ZNF407: variants seen among roughly 807,000 people sequenced by gnomAD.
ZNF407 encodes the protein zinc finger protein 407.
A neutral mutation model predicts 131.2 loss-of-function variants in ZNF407; 17 were observed. The ratio of observed to expected loss-of-function variants is 0.13; its 90% CI spans 0.09 to 0.19. The LOEUF (loss-of-function observed/expected upper bound fraction) is 0.19. Among genes scored for constraint, ZNF407 ranks in the 10% least tolerant of loss-of-function variants. The probability of loss-of-function intolerance (pLI) is 1.00; values close to 1 mark genes in which losing one functional copy is unlikely to be tolerated. For missense variants in ZNF407, 2,681 were observed against 2,830.6 expected (o/e 0.95, Z 1.20); for synonymous variants, 1,156 against 1,062.0 (o/e 1.09, Z -1.72).
In ZNF407 at chr18:74,634,301, CATT is replaced by C. The variant is rs765377436; in HGVS notation, c.3285_3287del (p.Ile1095del). 1 of 1,613,986 alleles carries C rather than the reference CATT, an allele frequency of 6.2e-7. No homozygotes were observed. On this transcript the variant is annotated inframe_deletion, in exon 2 of 9. Coordinates refer to ENST00000299687, the MANE Select transcript of ZNF407 (RefSeq NM_017757.3). ...GTTCTGCAGACATGTCCAAAAACAT[CATT>C]ATGCCTGAAGAAGAGCATCAACAAA... is the stretch of plus-strand genomic sequence containing the variant.
chr18:74,617,604 C>T (rs1390434806), intron 1 of ZNF407, among the ~76,000 whole-genome samples: 1 of 152,112 alleles, frequency 6.6e-6, no homozygotes, highest in Non-Finnish European at 1.5e-5. Flanking sequence ...ACTGTTTCCT[C>T]TTCATTAGCT....
intron 4 of ZNF407, among the ~76,000 whole-genome samples, chr18:74,803,678 A>G (rs1049411492): frequency 4.6e-5 from 7 of 152,244 alleles, no homozygotes; most frequent in Non-Finnish European, 1.0e-4. Context: ...CTTACCAGAA[A>G]ACATACAAGC....
At chr18:74,612,601 G>A (rs959580528) in intron 1 of ZNF407, among the ~76,000 whole-genome samples, 2 of 152,100 alleles carry the variant, frequency 1.3e-5, no homozygotes, top group Non-Finnish European at 2.9e-5. Context: ...AAAGAAGACT[G>A]GATTCGATGA....
At chr18:74,742,513 G>A (rs1371342649) in intron 3 of ZNF407, among the ~76,000 whole-genome samples, 1 of 152,078 alleles carries the variant, frequency 6.6e-6, no homozygotes, top group Non-Finnish European at 1.5e-5. Context: ...TTTGAATCAT[G>A]CTTTGTTCTT....
chr18:74,993,976 G>A (rs7237274), intron 8 of ZNF407, among the ~76,000 whole-genome samples: 1 of 152,108 alleles, frequency 6.6e-6, no homozygotes. Context: ...TCACAGACAC[G>A]CCACATAATG....
In ZNF407 at chr18:75,027,150, A is replaced by C. The variant is rs151150309; in HGVS notation, c.5429-36000A>C. Among the ~76,000 whole-genome samples, 449 of 152,272 alleles carry C rather than the reference A, an allele frequency of 2.9e-3. 2 individuals are homozygous for C. Among genetic ancestry groups the C allele is most frequent in the Middle Eastern group, 0.024 (7 of 294 alleles). On this transcript the variant is annotated intron_variant, in intron 8 of 8. Transcript: ENST00000299687. ...GACAGGGAACAAGCTGTTCACGGAG[A>C]TGAGAGCTTGAAAGCATTTCAGACA...
chr18:74,676,722 CTGTG>C (rs1555676101), intron 3 of ZNF407, among the ~76,000 whole-genome samples: 1 of 152,172 alleles, frequency 6.6e-6, no homozygotes, highest in Non-Finnish European at 1.5e-5. Flanking sequence ...ACGTGAGCCA[CTGTG>C]CCCGGCCAGT....
In ZNF407 at chr18:74,959,486, T is replaced by C. The variant is rs144329612; in HGVS notation, c.5428+38794T>C. Among the ~76,000 whole-genome samples, 423 of 152,324 alleles carry C rather than the reference T, an allele frequency of 2.8e-3. 2 individuals carry two copies. The highest frequency in any genetic ancestry group is 9.3e-3 in the African/African-American group (387 of 41,564). ...CAACCATCATGCCATTGAACTTGTA[T>C]GTGTCTGTCTTTCTGAGTTTATTCT... On this transcript the variant is annotated intron_variant, in intron 8 of 8. Transcript: ENST00000299687.
At chr18:74,876,255 T>G (rs1470344793) in intron 4 of ZNF407, among the ~76,000 whole-genome samples, 6 of 152,264 alleles carry the variant, frequency 3.9e-5, no homozygotes, top group African/African-American at 1.4e-4. Flanking sequence ...GCATCGTGCT[T>G]GTCAACTCGT....
chr18:74,782,311 T>G (rs1006995547), intron 4 of ZNF407, among the ~76,000 whole-genome samples: 2 of 152,234 alleles, frequency 1.3e-5, no homozygotes, highest in Non-Finnish European at 2.9e-5. Flanking sequence ...CAATTTTTTC[T>G]GTTACTCTGA....
chr18:74,680,602 A>G (rs1384818594), intron 3 of ZNF407, among the ~76,000 whole-genome samples: 1 of 151,892 alleles, frequency 6.6e-6, no homozygotes, highest in Non-Finnish European at 1.5e-5. Context: ...GTTTTTTTGT[A>G]TGTGTGGTTA....
At chr18:74,856,175 C>G (rs1970856741) in intron 4 of ZNF407, among the ~76,000 whole-genome samples, 1 of 152,168 alleles carries the variant, frequency 6.6e-6, no homozygotes, top group Non-Finnish European at 1.5e-5. Context: ...AGATCATTAG[C>G]ATATCATGCT....
rs747205571 is a variant in ZNF407, at chr18:74,632,531, G to A, written c.1512G>A (p.Gly504=). Residue 504 remains glycine, a synonymous_variant, in exon 2 of 9, where the codon GGG becomes GGA. Transcript: ENST00000299687. ...CCCAGGAGGCAGAGCAGGGCCAGGG[G>A]AGTGCCCGTCCTCCGGACTCCGGGC... The part of the protein sequence containing the change: ...SETQEAEQGQ[G]SARPPDSGLH... The A allele has an allele frequency of 1.9e-5, 31 of 1,614,026 alleles. No individual in the cohort carries two copies. The highest frequency in any genetic ancestry group is 2.6e-5 in the Non-Finnish European group (31 of 1,179,902).
chr18:74,874,057 A>G (rs1332441175), intron 4 of ZNF407, among the ~76,000 whole-genome samples: 1 of 152,096 alleles, frequency 6.6e-6, no homozygotes, highest in Non-Finnish European at 1.5e-5. Flanking sequence ...GCCCTTTTTC[A>G]TTTCAATTCT....
At chr18:74,981,582 C>T (rs777727817) in intron 8 of ZNF407, among the ~76,000 whole-genome samples, 5 of 152,162 alleles carry the variant, frequency 3.3e-5, no homozygotes, top group Non-Finnish European at 4.4e-5. Context: ...GTACTTACTT[C>T]AACAGAGAGG....
In ZNF407 at chr18:74,607,767, CACTT is replaced by C. The variant is rs1030636564; in HGVS notation, c.-54+9833_-54+9836del. Among the ~76,000 whole-genome samples, 71 of 152,278 alleles carry C rather than the reference CACTT, an allele frequency of 4.7e-4. 1 individual carries two copies. Among genetic ancestry groups the C allele is most frequent in the African/African-American group, 1.7e-3 (70 of 41,540 alleles). ...ATAAAAATCTCATCAGGCCCTAGCA[CACTT>C]ACATGCACATAGTAGATGACAAATA... On this transcript the variant is annotated intron_variant, in intron 1 of 8. Transcript: ENST00000299687.
intron 8 of ZNF407, among the ~76,000 whole-genome samples, chr18:75,025,926 C>T (rs1042368709): frequency 6.6e-6 from 1 of 152,062 alleles, no homozygotes; most frequent in Non-Finnish European, 1.5e-5. Context: ...AGTGATTATC[C>T]TATATGGTTG....
chr18:75,018,626 G>A (rs1361403726), intron 8 of ZNF407, among the ~76,000 whole-genome samples: 3 of 151,984 alleles, frequency 2.0e-5, no homozygotes, highest in Admixed American at 6.6e-5. Context: ...GATAACTTGG[G>A]TAGAAATTAG....
At chr18:75,028,892 C>T (rs534459802) in intron 8 of ZNF407, among the ~76,000 whole-genome samples, 3 of 152,324 alleles carry the variant, frequency 2.0e-5, no homozygotes, top group South Asian at 2.1e-4. Flanking sequence ...ATGATTTATA[C>T]GTGATGCACC....
Sources: allele counts gnomAD v4.1 joint callset (sites outside exome capture counted in the v4.1 genomes callset), GRCh38; gene constraint gnomAD v4.1.1; transcripts MANE v1.5; gene names NCBI Gene and HGNC (gene_info 2026-07-23, HGNC 2026-07-21).